UBAP1: variants seen among roughly 807,000 people sequenced by gnomAD.
UBAP1 encodes ubiquitin-associated protein 1.
UBAP1 carries 5 observed loss-of-function variants against 39.0 expected under a neutral mutation model. The observed-to-expected ratio is 0.13, with a 90% confidence interval of 0.07 to 0.27. UBAP1 has a LOEUF of 0.27. UBAP1 is among the 10% of genes least tolerant of loss of function. UBAP1 has a pLI of 1.00. For synonymous variants in UBAP1, 211 were observed against 225.1 expected (o/e 0.94, Z 0.56); for missense variants, 490 against 608.1 (o/e 0.81, Z 2.04).
At chr9:34,241,080 GT>G in intron 3 of UBAP1, 104 bp from the exon 4 acceptor site, 2 of 783,562 alleles carry the variant, frequency 2.6e-6, no homozygotes, top group Non-Finnish European at 3.8e-6. Flanking sequence ...ATGCTGCCTT[GT>G]CCGGTTATCC....
chr9:34,216,001 A>T (rs1406237319), intron 1 of UBAP1, among the ~76,000 whole-genome samples: 4 of 152,090 alleles, frequency 2.6e-5, no homozygotes, highest in Non-Finnish European at 5.9e-5. Flanking sequence ...GATTTAAAAA[A>T]TTTTACATTA....
intron 2 of UBAP1, among the ~76,000 whole-genome samples, chr9:34,230,275 A>T (rs1008949495): frequency 1.2e-4 from 18 of 152,162 alleles, no homozygotes; most frequent in African/African-American, 4.1e-4. Context: ...CATGCTGGCC[A>T]GGCTGGTCTC....
intron 2 of UBAP1, among the ~76,000 whole-genome samples, chr9:34,226,673 T>A (rs1437773115): frequency 6.6e-6 from 1 of 152,168 alleles, no homozygotes; most frequent in South Asian, 2.1e-4. Flanking sequence ...CACATATGCA[T>A]TAGGTTGTTT....
intron 1 of UBAP1, among the ~76,000 whole-genome samples, chr9:34,180,691 A>G (rs964250734): frequency 1.3e-5 from 2 of 152,144 alleles, no homozygotes; most frequent in African/African-American, 2.4e-5. Context: ...GAGTCATTAT[A>G]ATTACAGAAA....
chr9:34,228,606 G>A (rs1278604992), intron 2 of UBAP1, among the ~76,000 whole-genome samples: 1 of 134,582 alleles, frequency 7.4e-6, no homozygotes, highest in Non-Finnish European at 1.5e-5. Flanking sequence ...TGGAGTCTCA[G>A]TCACCCAGGC....
At chr9:34,216,714 A>G (rs1174785867) in intron 1 of UBAP1, among the ~76,000 whole-genome samples, 3 of 125,932 alleles carry the variant, frequency 2.4e-5, no homozygotes, top group Non-Finnish European at 4.7e-5. Flanking sequence ...TGGCTTAATC[A>G]TGGCTCACGG....
chr9:34,214,468 T>G (rs1310702620), intron 1 of UBAP1, among the ~76,000 whole-genome samples: 1 of 152,270 alleles, frequency 6.6e-6, no homozygotes, highest in Middle Eastern at 3.4e-3. Flanking sequence ...GCTGGCCATA[T>G]GTAGGACAAT....
At chr9:34,228,755 T>A (rs562875586) in intron 2 of UBAP1, among the ~76,000 whole-genome samples, 1 of 151,002 alleles carries the variant, frequency 6.6e-6, no homozygotes, top group South Asian at 2.1e-4. Flanking sequence ...TTTTTTTGTA[T>A]TTTTAGTAGA....
intron 2 of UBAP1, among the ~76,000 whole-genome samples, chr9:34,225,213 A>T (rs1231526130): frequency 6.6e-6 from 1 of 152,098 alleles, no homozygotes; most frequent in African/African-American, 2.4e-5. Context: ...GGATATTAAA[A>T]TGTATTTTTT....
intron 1 of UBAP1, among the ~76,000 whole-genome samples, chr9:34,187,899 A>T (rs1462622720): frequency 6.6e-6 from 1 of 151,582 alleles, no homozygotes; most frequent in Admixed American, 6.6e-5. Flanking sequence ...AACCCTTATG[A>T]CTTAAGGTAT....
chr9:34,241,857 C>G lies in UBAP1; in HGVS notation c.832C>G (p.Gln278Glu). 6.2e-7 allele frequency: 1 copy of G among 1,614,122 alleles called. No homozygotes were observed. Among genetic ancestry groups the G allele is most frequent in the Non-Finnish European group, 8.5e-7 (1 of 1,180,036 alleles). Residue 278 changes from glutamine to glutamate, a missense_variant, in exon 4 of 7, where the codon CAG becomes GAG. Transcript: ENST00000297661. ...CAAACTTGACTCTGATGACAGCAAT[C>G]AGAAGACAGCCAAGCTGGCGAGCAC... Reference protein sequence around the residue: ...FPKLDSDDSNQKTAKLASTFH... With the variant: ...FPKLDSDDSNEKTAKLASTFH...
chr9:34,179,514 A>G (rs980340420), intron 1 of UBAP1, among the ~76,000 whole-genome samples: 2 of 152,030 alleles, frequency 1.3e-5, no homozygotes, highest in Admixed American at 6.6e-5. Context: ...ACTGGAAGAC[A>G]GGCATAGTAG....
chr9:34,180,642 T>C (rs556598337), intron 1 of UBAP1, among the ~76,000 whole-genome samples: 2 of 152,340 alleles, frequency 1.3e-5, no homozygotes, highest in Admixed American at 1.3e-4. Context: ...TATTAATTCA[T>C]GGTGTTTATT....
At chr9:34,224,637 G>A (rs1210727385) in intron 2 of UBAP1, 4 of 358,618 alleles carry the variant, frequency 1.1e-5, no homozygotes, top group East Asian at 1.1e-4. Flanking sequence ...ATTGCTCGGC[G>A]CTGGCTGGAA....
chr9:34,197,159 C>G lies in UBAP1; in HGVS notation c.-8+17919C>G, dbSNP rs376986650. ...GCCAGGCTGGCGTTGAACTCTTGAC[C>G]TTGTGATCCGCTTGCCTTGGCCTCC... On this transcript the variant is annotated intron_variant, in intron 1 of 6. Coordinates refer to ENST00000297661, the MANE Select transcript of UBAP1 (RefSeq NM_016525.5). 2.3e-4 allele frequency among the ~76,000 whole-genome samples: 35 copies of G among 152,240 alleles called. 1 individual carries two copies. In the East Asian group the frequency reaches 5.2e-3, roughly 23 times the overall value.
chr9:34,179,077 T>A lies in UBAP1; in HGVS notation c.-171T>A. On this transcript the variant is annotated 5_prime_UTR_variant, in exon 1 of 7. Coordinates refer to ENST00000297661, the MANE Select transcript of UBAP1 (RefSeq NM_016525.5). The stretch of plus-strand genomic sequence containing the variant: ...GACTTCAACATGGCGGCTGCGGCAC[T>A]GGCGGTGGCTACGGTGACGGCCTGG... 2 of 1,279,044 alleles carry A rather than the reference T, an allele frequency of 1.6e-6. No homozygotes were observed. Among genetic ancestry groups the A allele is most frequent in the South Asian group, 5.3e-5 (2 of 37,774 alleles). 79.2% of individuals were successfully genotyped at this position (1,279,044 alleles called of 1,614,324 possible). A position where few individuals can be genotyped will look rare whatever the true frequency, so the allele number is the denominator to read the frequency against.
rs907783822 is a variant in UBAP1 at position 34,251,569 on chromosome 9, A to G, written c.*37A>G. 1 of 1,606,234 alleles carries G rather than the reference A, an allele frequency of 6.2e-7. No individual in the cohort carries two copies. ...GCCTAGGCCCTGCCGCAGAACCACCATCCCTGGGAGGCCCTGCAGAGCCCA... is the reference window on the plus strand; with the variant it reads ...GCCTAGGCCCTGCCGCAGAACCACCGTCCCTGGGAGGCCCTGCAGAGCCCA... On this transcript the variant is annotated 3_prime_UTR_variant, in exon 7 of 7. Coordinates refer to ENST00000297661, the MANE Select transcript of UBAP1 (RefSeq NM_016525.5).
chr9:34,195,893 G>T (rs189781484), intron 1 of UBAP1, among the ~76,000 whole-genome samples: 1 of 143,230 alleles, frequency 7.0e-6, no homozygotes, highest in African/African-American at 2.6e-5. Context: ...CACCACGTCC[G>T]GCCAGTCCTT....
chr9:34,202,424 G>A (rs187067702), intron 1 of UBAP1, among the ~76,000 whole-genome samples: 27 of 152,192 alleles, frequency 1.8e-4, no homozygotes, highest in Admixed American at 1.3e-3. Flanking sequence ...GAGCCACCCT[G>A]CCCTGCCTGT....
Sources: gnomAD v4.1 joint callset for allele counts (sites outside exome capture counted in the v4.1 genomes callset) on GRCh38, gnomAD v4.1.1 for gene constraint, MANE v1.5 for transcripts, NCBI Gene and HGNC (gene_info 2026-07-23, HGNC 2026-07-21) for gene names.